Variants in KDM4B observed in about 807,000 individuals in gnomAD.
KDM4B encodes the protein lysine-specific demethylase 4B.
KDM4B carries 32 observed loss-of-function variants against 125.2 expected under a neutral mutation model. The observed-to-expected ratio is 0.26, with a 90% CI of 0.19 to 0.34. KDM4B has a LOEUF of 0.34. KDM4B is among the 10% of genes least tolerant of loss of function. The probability of loss-of-function intolerance (pLI) is 1.00; values close to 1 mark genes in which losing one functional copy is unlikely to be tolerated. For synonymous variants in KDM4B, 721 were observed against 677.9 expected (o/e 1.06, Z -0.99); for missense variants, 1,190 against 1,577.7 (o/e 0.75, Z 4.16).
chr19:5,093,401 C>G (rs925300601), intron 9 of KDM4B, among the ~76,000 whole-genome samples: 1 of 152,196 alleles, frequency 6.6e-6, no homozygotes, highest in African/African-American at 2.4e-5. Context: ...GGCAGGGAGC[C>G]GCTTTCTGTG....
chr19:5,137,187 C>CG, intron 15 of KDM4B, 75 bp from the exon 16 acceptor site: 11 of 1,054,644 alleles, frequency 1.0e-5, no homozygotes, highest in Non-Finnish European at 1.6e-5. Flanking sequence ...TACCCGGCCC[C>CG]TCCCCCTGAG....
chr19:5,049,807 G>T (rs1001059077), intron 6 of KDM4B, among the ~76,000 whole-genome samples: 2 of 152,160 alleles, frequency 1.3e-5, no homozygotes, highest in Non-Finnish European at 2.9e-5. Context: ...CCCAGCAGGG[G>T]CCTGGCACAG....
intron 11 of KDM4B, among the ~76,000 whole-genome samples, chr19:5,120,708 A>G (rs920602663): frequency 7.2e-5 from 11 of 152,024 alleles, no homozygotes; most frequent in Non-Finnish European, 1.5e-4. Flanking sequence ...TTAGAGCTTT[A>G]GCTGCTTGGG....
chr19:5,087,425 C>T (rs994382739), intron 9 of KDM4B, among the ~76,000 whole-genome samples: 6 of 152,324 alleles, frequency 3.9e-5, no homozygotes, highest in African/African-American at 9.6e-5. Context: ...CTGCTCCCCT[C>T]GGGGCTGGTG....
intron 5 of KDM4B, among the ~76,000 whole-genome samples, chr19:5,043,511 TG>T (rs376437957): frequency 1.2e-4 from 17 of 139,638 alleles, no homozygotes; most frequent in African/African-American, 2.2e-4. Context: ...TTTATCGGAG[TG>T]GGGGTGTCCA....
At chr19:5,044,765 C>T (rs2036971159) in intron 5 of KDM4B, among the ~76,000 whole-genome samples, 1 of 152,096 alleles carries the variant, frequency 6.6e-6, no homozygotes, top group Non-Finnish European at 1.5e-5. Context: ...TCCCCCATCC[C>T]TCTCCTGCGC....
At position 5,144,171 on chromosome 19, in the gene KDM4B, C is replaced by T; in HGVS notation, c.2736+19C>T. On this transcript the variant is annotated intron_variant, in intron 19 of 22. Coordinates refer to ENST00000159111, the MANE Select transcript of KDM4B (RefSeq NM_015015.3). ...TCACGCTGTGAGTGCCTGCCCGCCTCCTTGCCCCCAGCCCCTGGCTCCCGC... is the reference window on the plus strand; with the variant it reads ...TCACGCTGTGAGTGCCTGCCCGCCTTCTTGCCCCCAGCCCCTGGCTCCCGC... 30 of 1,593,208 alleles carry T rather than the reference C, an allele frequency of 1.9e-5. No homozygotes were observed. Among genetic ancestry groups the T allele is most frequent in the Non-Finnish European group, 2.3e-5 (27 of 1,165,450 alleles).
At chr19:5,077,034 G>A in intron 7 of KDM4B, 1 of 324,736 alleles carries the variant, frequency 3.1e-6, no homozygotes, top group Non-Finnish European at 5.7e-6. Flanking sequence ...CCTTCCCCTG[G>A]TGAGGAGGCC....
At chr19:5,044,740 C>T (rs1345208300) in intron 5 of KDM4B, among the ~76,000 whole-genome samples, 1 of 152,142 alleles carries the variant, frequency 6.6e-6, no homozygotes, top group Non-Finnish European at 1.5e-5. Flanking sequence ...AGCTCCCCCT[C>T]GTCATTCCTC....
intron 13 of KDM4B, 145 bp downstream of exon 13, chr19:5,132,152 C>T (rs577127119): frequency 2.1e-5 from 22 of 1,061,782 alleles, no homozygotes; most frequent in Middle Eastern, 3.2e-4. Flanking sequence ...GTGGCTCTGC[C>T]GTAGCGACAG....
chr19:5,073,702 G>C (rs1407606431), intron 7 of KDM4B, among the ~76,000 whole-genome samples: 1 of 152,258 alleles, frequency 6.6e-6, no homozygotes, highest in East Asian at 1.9e-4. Flanking sequence ...CTGAGGCCAG[G>C]CCAGGCACCT....
intron 13 of KDM4B, 141 bp downstream of exon 13, chr19:5,132,148 C>CAGGA: frequency 9.1e-7 from 1 of 1,096,162 alleles, no homozygotes; most frequent in Non-Finnish European, 1.3e-6. Flanking sequence ...TTCTGTGGCT[C>CAGGA]TGCCGTAGCG....
chr19:5,045,929 C>T (rs2037011211), intron 5 of KDM4B, among the ~76,000 whole-genome samples: 1 of 152,166 alleles, frequency 6.6e-6, no homozygotes, highest in African/African-American at 2.4e-5. Flanking sequence ...TGTTTTTTAA[C>T]CATGCTGTTT....
chr19:5,137,549 G>A, intron 16 of KDM4B, 72 bp from the exon 17 acceptor site: 1 of 1,473,962 alleles, frequency 6.8e-7, no homozygotes, highest in South Asian at 1.2e-5. Context: ...ACGGTTGGCA[G>A]ATCAGGCCCC....
At chr19:4,983,988 T>A (rs1318977615) in intron 1 of KDM4B, among the ~76,000 whole-genome samples, 1 of 152,166 alleles carries the variant, frequency 6.6e-6, no homozygotes, top group Non-Finnish European at 1.5e-5. Context: ...AAGCCCTTGG[T>A]GAAGTAGTTC....
chr19:5,135,664 C>T (rs1210734733), intron 15 of KDM4B, 103 bp downstream of exon 15: 3 of 993,448 alleles, frequency 3.0e-6, no homozygotes, highest in South Asian at 1.6e-5. Flanking sequence ...CCACACCGGC[C>T]CCTCTCCCCA....
chr19:5,058,258 A>G (rs907873251), intron 6 of KDM4B, among the ~76,000 whole-genome samples: 1 of 152,176 alleles, frequency 6.6e-6, no homozygotes, highest in African/African-American at 2.4e-5. Flanking sequence ...ATGCCTGCTC[A>G]GGGCCCAGCA....
At chr19:5,034,603 G>C (rs954109482) in intron 3 of KDM4B, among the ~76,000 whole-genome samples, 1 of 152,124 alleles carries the variant, frequency 6.6e-6, no homozygotes, top group African/African-American at 2.4e-5. Context: ...GATTCGGCCC[G>C]AGGGCCGCAG....
intron 1 of KDM4B, among the ~76,000 whole-genome samples, chr19:4,969,457 G>T (rs944888775): frequency 1.0e-3 from 149 of 148,616 alleles, no homozygotes; most frequent in African/African-American, 3.4e-3. Context: ...GGGGCGGCGG[G>T]GCCGGACAAT....
Sources: gnomAD v4.1 joint callset for allele counts (sites outside exome capture counted in the v4.1 genomes callset) on GRCh38, gnomAD v4.1.1 for gene constraint, MANE v1.5 for transcripts, NCBI Gene and HGNC (gene_info 2026-07-23, HGNC 2026-07-21) for gene names.